The following NKAIN2 variants were observed in gnomAD, a reference collection of about 807,000 sequenced individuals.
NKAIN2 encodes sodium/potassium transporting ATPase interacting 2.
A neutral mutation model predicts 32.6 loss-of-function variants in NKAIN2; 14 were observed. That is an observed-to-expected ratio of 0.43 (90% CI 0.28 to 0.67). The LOEUF (loss-of-function observed/expected upper bound fraction) is 0.67, where lower values mean the gene tolerates loss of function less well. Ranked by LOEUF, NKAIN2 falls within the 30% of genes least tolerant of loss-of-function variation. NKAIN2 has a pLI of 0.17. For missense variants in NKAIN2, 198 were observed against 258.3 expected, an observed-to-expected ratio of 0.77 and a Z score of 1.60; for synonymous variants, 80 against 87.2, an observed-to-expected ratio of 0.92 and a Z score of 0.46.
intron 4 of NKAIN2, among the ~76,000 whole-genome samples, chr6:124,740,184 T>C (rs1033519597): frequency 2.6e-5 from 4 of 151,672 alleles, no homozygotes; most frequent in Admixed American, 6.6e-5. Flanking sequence ...ATGATTTAAG[T>C]ATGGTATTAA....
At chr6:124,001,296 T>C (rs763888743) in intron 1 of NKAIN2, among the ~76,000 whole-genome samples, 2 of 152,102 alleles carry the variant, frequency 1.3e-5, no homozygotes, top group East Asian at 3.8e-4. Context: ...TGTGATAACT[T>C]GCTAAAGCTA....
chr6:124,635,978 T>G (rs1160882961), intron 3 of NKAIN2, among the ~76,000 whole-genome samples: 1 of 151,996 alleles, frequency 6.6e-6, no homozygotes, highest in African/African-American at 2.4e-5. Context: ...ATGTAATAAC[T>G]ACAGAATACA....
intron 3 of NKAIN2, among the ~76,000 whole-genome samples, chr6:124,387,345 C>G (rs1205059868): frequency 6.6e-6 from 1 of 150,662 alleles, no homozygotes; most frequent in Non-Finnish European, 1.5e-5. Flanking sequence ...TGTGAAAGAA[C>G]CTCCTTGCCC....
intron 1 of NKAIN2, among the ~76,000 whole-genome samples, chr6:124,202,925 G>A (rs919703741): frequency 4.0e-5 from 6 of 151,874 alleles, no homozygotes; most frequent in Admixed American, 2.6e-4. Context: ...GCATAAAGTT[G>A]TAATATTGTG....
chr6:124,737,576 G>A (rs1190762835), intron 4 of NKAIN2, among the ~76,000 whole-genome samples: 1 of 151,892 alleles, frequency 6.6e-6, no homozygotes, highest in African/African-American at 2.4e-5. Context: ...TGGGTAACAG[G>A]CAGAGGTTGG....
At chr6:124,755,050 G>C (rs898369268) in intron 4 of NKAIN2, among the ~76,000 whole-genome samples, 1 of 152,154 alleles carries the variant, frequency 6.6e-6, no homozygotes, top group Non-Finnish European at 1.5e-5. Flanking sequence ...ATGATAGGCT[G>C]TCTGCAAGCT....
At chr6:124,043,578 C>T (rs1781975274) in intron 1 of NKAIN2, among the ~76,000 whole-genome samples, 1 of 151,964 alleles carries the variant, frequency 6.6e-6, no homozygotes, top group African/African-American at 2.4e-5. Flanking sequence ...AGACAATATT[C>T]ATTTTGAGAA....
At chr6:124,743,447 T>A (rs1301011233) in intron 4 of NKAIN2, among the ~76,000 whole-genome samples, 2 of 151,676 alleles carry the variant, frequency 1.3e-5, no homozygotes, top group African/African-American at 4.8e-5. Context: ...TTAACATTTT[T>A]AAATCAATAA....
At chr6:124,442,239 T>A (rs1775720658) in intron 3 of NKAIN2, among the ~76,000 whole-genome samples, 1 of 152,040 alleles carries the variant, frequency 6.6e-6, no homozygotes, top group Admixed American at 6.6e-5. Context: ...CCAAACAAAG[T>A]GGACAACCAG....
At chr6:123,958,581 C>T (rs1430899542) in intron 1 of NKAIN2, among the ~76,000 whole-genome samples, 1 of 152,232 alleles carries the variant, frequency 6.6e-6, no homozygotes, top group Non-Finnish European at 1.5e-5. Context: ...GCCTCATGGC[C>T]TTGTCACCTC....
chr6:124,669,384 G>T (rs1015681653), intron 4 of NKAIN2, among the ~76,000 whole-genome samples: 2 of 152,068 alleles, frequency 1.3e-5, no homozygotes, highest in African/African-American at 4.8e-5. Context: ...AGACGCAAAT[G>T]AATATCTATA....
At chr6:124,566,760 G>T (rs1780929053) in intron 3 of NKAIN2, among the ~76,000 whole-genome samples, 1 of 151,922 alleles carries the variant, frequency 6.6e-6, no homozygotes, top group Non-Finnish European at 1.5e-5. Context: ...TGAGCTCCTA[G>T]GGTGACATAA....
chr6:124,308,523 A>G (rs1396227006), intron 2 of NKAIN2, among the ~76,000 whole-genome samples: 1 of 152,288 alleles, frequency 6.6e-6, no homozygotes, highest in African/African-American at 2.4e-5. Flanking sequence ...CTGAGTAGTT[A>G]TTTATCTGAG....
chr6:123,821,927 T>A (rs1773940296), intron 1 of NKAIN2, among the ~76,000 whole-genome samples: 2 of 150,842 alleles, frequency 1.3e-5, no homozygotes, highest in African/African-American at 5.0e-5. Flanking sequence ...CACACACAGT[T>A]AATTGAATTT....
chr6:124,319,710 G>T (rs1383029276), intron 2 of NKAIN2, among the ~76,000 whole-genome samples: 1 of 151,942 alleles, frequency 6.6e-6, no homozygotes, highest in African/African-American at 2.4e-5. Flanking sequence ...TAAATTTCCT[G>T]CCCTTTAATT....
chr6:124,201,564 C>G (rs1467509958), intron 1 of NKAIN2, among the ~76,000 whole-genome samples: 1 of 151,924 alleles, frequency 6.6e-6, no homozygotes, highest in Non-Finnish European at 1.5e-5. Flanking sequence ...GTGCTCTAGA[C>G]TGCCAAAAAA....
intron 1 of NKAIN2, among the ~76,000 whole-genome samples, chr6:124,249,944 T>C (rs1269267567): frequency 6.6e-6 from 1 of 152,140 alleles, no homozygotes; most frequent in Admixed American, 6.6e-5. Flanking sequence ...CTTTTCTGTC[T>C]TGATCTTGGT....
chr6:124,647,962 C>G (rs186762914), intron 3 of NKAIN2, among the ~76,000 whole-genome samples: 32 of 152,158 alleles, frequency 2.1e-4, no homozygotes, highest in African/African-American at 7.2e-4. Flanking sequence ...GAAATTATAC[C>G]AATACTTGTT....
intron 3 of NKAIN2, among the ~76,000 whole-genome samples, chr6:124,406,695 T>TA (rs1255265106): frequency 3.3e-5 from 5 of 152,242 alleles, no homozygotes; most frequent in Non-Finnish European, 2.9e-5. Context: ...TTTACGTTCT[T>TA]ACAAGTAGCA....
Sources: gnomAD v4.1 joint callset for allele counts (sites outside exome capture counted in the v4.1 genomes callset) on GRCh38, gnomAD v4.1.1 for gene constraint, MANE v1.5 for transcripts, NCBI Gene and HGNC (gene_info 2026-07-23, HGNC 2026-07-21) for gene names.